The following NXPE2 variants were observed in gnomAD, a reference collection of about 807,000 sequenced individuals.
The protein encoded by NXPE2 is NXPE family member 2.
Under a neutral mutation model 34.4 loss-of-function variants are expected in NXPE2, and 34 were observed. That is an observed-to-expected ratio of 0.99 (90% CI 0.75 to 1.31). The LOEUF is 1.31. NXPE2 is among the 40% of genes most tolerant of loss of function. The pLI is 0.00. For synonymous variants in NXPE2, 235 were observed against 231.3 expected, an observed-to-expected ratio of 1.02 and a Z score of -0.15; for missense variants, 649 against 672.5, an observed-to-expected ratio of 0.97 and a Z score of 0.39.
the NXPE2 span, among the ~76,000 whole-genome samples, chr11:114,626,109 G>A: frequency 5.3e-5 from 8 of 152,200 alleles, no homozygotes; most frequent in Admixed American, 6.5e-5. Flanking sequence ...AGGGGCGCCC[G>A]CCATTGCCCA....
At chr11:114,653,087 T>C in the NXPE2 span, among the ~76,000 whole-genome samples, 1 of 152,228 alleles carries the variant, frequency 6.6e-6, no homozygotes, top group Non-Finnish European at 1.5e-5. Context: ...TCATTGAATG[T>C]ATAAATTTTC....
At chr11:114,735,446 A>T in the NXPE2 span, among the ~76,000 whole-genome samples, 1 of 152,222 alleles carries the variant, frequency 6.6e-6, no homozygotes, top group Non-Finnish European at 1.5e-5. Context: ...AGCTATGAGA[A>T]TGTGGGCAAA....
At chr11:114,613,178 T>C in the NXPE2 span, among the ~76,000 whole-genome samples, 4 of 151,842 alleles carry the variant, frequency 2.6e-5, no homozygotes, top group Admixed American at 6.6e-5. Context: ...TAATTAGTGT[T>C]GCCTCTAGGG....
At chr11:114,616,288 G>C in the NXPE2 span, among the ~76,000 whole-genome samples, 2 of 151,470 alleles carry the variant, frequency 1.3e-5, no homozygotes, top group Non-Finnish European at 2.9e-5. Context: ...GGTAGCCACT[G>C]TAAGCCCCTG....
At chr11:114,557,527 G>A in the NXPE2 span, among the ~76,000 whole-genome samples, 1 of 150,956 alleles carries the variant, frequency 6.6e-6, no homozygotes, top group African/African-American at 2.4e-5. Context: ...CTGGGCTCAA[G>A]TGATCCTTCT....
At chr11:114,466,332 T>C in the NXPE2 span, among the ~76,000 whole-genome samples, 22 of 152,218 alleles carry the variant, frequency 1.4e-4, no homozygotes, top group Non-Finnish European at 2.6e-4. Context: ...ACCCAAGCCT[T>C]CTTAGTATTG....
At position 114,678,530 on chromosome 11, in the gene NXPE2, C is replaced by G; in HGVS notation, c.-46C>G. 6.8e-7 allele frequency: 1 copy of G among 1,465,560 alleles called. No homozygotes were observed. The highest frequency in any genetic ancestry group is 9.3e-7 in the Non-Finnish European group (1 of 1,072,904). The allele number at this position is 1,465,560 out of a possible 1,614,324, so 90.8% of individuals were successfully genotyped here. A position where few individuals can be genotyped will look rare whatever the true frequency, so the allele number is the denominator to read the frequency against. ...AGATAAATGCAAAGACTGCTTTAATCAAGGAGAGTCTCTGGACACTATAAT... is the reference window on the plus strand; with the variant it reads ...AGATAAATGCAAAGACTGCTTTAATGAAGGAGAGTCTCTGGACACTATAAT... On this transcript the variant is annotated 5_prime_UTR_variant, in exon 1 of 6. It adds an upstream start codon to the 5' untranslated region. Transcript: ENST00000389586.
the NXPE2 span, chr11:114,552,800 A>G: frequency 1.3e-6 from 1 of 777,360 alleles, no homozygotes; most frequent in South Asian, 5.9e-5. Flanking sequence ...TAGATTCTCA[A>G]TCTCCTTTTC....
chr11:114,680,660 T>C (rs564434983), intron 2 of NXPE2, among the ~76,000 whole-genome samples: 6 of 152,142 alleles, frequency 3.9e-5, no homozygotes, highest in Non-Finnish European at 8.8e-5. Context: ...AGAATACCTG[T>C]TCTTATACCT....
the NXPE2 span, chr11:114,595,785 G>A: frequency 1.3e-5 from 2 of 152,308 alleles, no homozygotes; most frequent in South Asian, 2.1e-4. Context: ...TAAGACAGAA[G>A]TGTCAGCCAC....
chr11:114,698,928 GTT>G, intron 3 of NXPE2, 150 bp downstream of exon 3: 1 of 774,936 alleles, frequency 1.3e-6, no homozygotes, highest in Non-Finnish European at 2.0e-6. Flanking sequence ...CTTGGAGTGT[GTT>G]CACAGGGATC....
chr11:114,570,700 A>G, the NXPE2 span: 21 of 359,754 alleles, frequency 5.8e-5, no homozygotes, highest in Non-Finnish European at 9.4e-5. Context: ...GAAGAGGGGT[A>G]TGGCTCTGAT....
At chr11:114,751,004 A>C in the NXPE2 span, among the ~76,000 whole-genome samples, 473 of 152,110 alleles carry the variant, frequency 3.1e-3, 2 homozygotes, top group Middle Eastern at 0.017. Context: ...TGTGGAGTGA[A>C]GGTCCTGTTT....
At chr11:114,774,731 A>C in the NXPE2 span, among the ~76,000 whole-genome samples, 2 of 151,444 alleles carry the variant, frequency 1.3e-5, no homozygotes, top group African/African-American at 4.9e-5. Flanking sequence ...TTCCTTCCCC[A>C]TCTCTTGCTT....
the NXPE2 span, among the ~76,000 whole-genome samples, chr11:114,660,997 C>T: frequency 2.0e-5 from 3 of 152,036 alleles, no homozygotes; most frequent in Non-Finnish European, 2.9e-5. Flanking sequence ...AAATTAATAA[C>T]ACAGCATGAT....
At chr11:114,575,411 G>C in the NXPE2 span, among the ~76,000 whole-genome samples, 1 of 151,920 alleles carries the variant, frequency 6.6e-6, no homozygotes, top group Non-Finnish European at 1.5e-5. Context: ...TGTTGCTGTG[G>C]CTCATGATAT....
At chr11:114,617,967 T>C in the NXPE2 span, among the ~76,000 whole-genome samples, 3 of 144,628 alleles carry the variant, frequency 2.1e-5, no homozygotes, top group Admixed American at 6.8e-5. Context: ...ACCACTGTTA[T>C]CCAGTTTGTA....
the NXPE2 span, among the ~76,000 whole-genome samples, chr11:114,465,948 A>G: frequency 6.6e-6 from 1 of 152,212 alleles, no homozygotes; most frequent in African/African-American, 2.4e-5. Flanking sequence ...TTATAGCTGC[A>G]GCCCATACAT....
the NXPE2 span, among the ~76,000 whole-genome samples, chr11:114,721,555 T>C: frequency 6.6e-6 from 1 of 152,100 alleles, no homozygotes; most frequent in Non-Finnish European, 1.5e-5. Context: ...AATAAAGGCA[T>C]GTGGAGGATT....
Sources: gnomAD v4.1 joint callset for allele counts (sites outside exome capture counted in the v4.1 genomes callset) on GRCh38, gnomAD v4.1.1 for gene constraint, MANE v1.5 for transcripts, NCBI Gene and HGNC (gene_info 2026-07-23, HGNC 2026-07-21) for gene names.